IMMP2L: variants seen among roughly 807,000 people sequenced by gnomAD.
IMMP2L encodes the protein inner mitochondrial membrane peptidase subunit 2.
In IMMP2L, 18 loss-of-function variants were observed where a neutral mutation model predicts 19.3. That is an observed-to-expected ratio of 0.93 (90% CI 0.64 to 1.38). The LOEUF (loss-of-function observed/expected upper bound fraction) is 1.38, where lower values mean the gene tolerates loss of function less well. Among genes scored for constraint, IMMP2L ranks in the 40% most tolerant of loss-of-function variants. The pLI, the probability that IMMP2L is intolerant of heterozygous loss-of-function variation, is 0.00. For synonymous variants in IMMP2L, 76 were observed against 73.0 expected, an observed-to-expected ratio of 1.04 and a Z score of -0.21; for missense variants, 233 against 218.2, an observed-to-expected ratio of 1.07 and a Z score of -0.43.
At chr7:110,827,797 T>C (rs949881612) in intron 5 of IMMP2L, among the ~76,000 whole-genome samples, 3 of 152,114 alleles carry the variant, frequency 2.0e-5, no homozygotes, top group Admixed American at 6.6e-5. Context: ...CCATGTAAGT[T>C]TCCAGTACTT....
intron 5 of IMMP2L, among the ~76,000 whole-genome samples, chr7:110,854,218 A>G: frequency 6.6e-6 from 1 of 151,932 alleles, no homozygotes; most frequent in East Asian, 1.9e-4. Flanking sequence ...TCCACTTAAC[A>G]TATTTATATT....
chr7:111,532,342 G>T (rs1478566258), intron 1 of IMMP2L, among the ~76,000 whole-genome samples: 1 of 152,038 alleles, frequency 6.6e-6, no homozygotes, highest in African/African-American at 2.4e-5. Flanking sequence ...TGGTACAAGG[G>T]TCTTATTAGG....
chr7:110,852,594 G>A (rs1806350542), intron 5 of IMMP2L, among the ~76,000 whole-genome samples: 1 of 152,062 alleles, frequency 6.6e-6, no homozygotes, highest in Admixed American at 6.6e-5. Flanking sequence ...CAAATCTGGG[G>A]AGGAGGACAG....
At chr7:111,126,379 CT>C (rs972111551) in intron 3 of IMMP2L, among the ~76,000 whole-genome samples, 1 of 152,084 alleles carries the variant, frequency 6.6e-6, no homozygotes, top group Non-Finnish European at 1.5e-5. Context: ...TCTGAAATTT[CT>C]TTTATTTAGC....
intron 3 of IMMP2L, among the ~76,000 whole-genome samples, chr7:111,233,235 T>C (rs1185270213): frequency 6.6e-6 from 1 of 152,126 alleles, no homozygotes; most frequent in Non-Finnish European, 1.5e-5. Context: ...AAATACAATC[T>C]CTAAAATAAT....
At chr7:110,669,490 G>A (rs1343906296) in intron 5 of IMMP2L, among the ~76,000 whole-genome samples, 5 of 152,240 alleles carry the variant, frequency 3.3e-5, no homozygotes, top group Admixed American at 6.5e-5. Context: ...AATAATGCTC[G>A]ACCAAAGATC....
At chr7:110,731,890 T>C (rs1796297122) in intron 5 of IMMP2L, among the ~76,000 whole-genome samples, 1 of 152,178 alleles carries the variant, frequency 6.6e-6, no homozygotes, top group South Asian at 2.1e-4. Context: ...AACTAGGTGC[T>C]GAACAAAAAA....
chr7:111,371,471 G>A (rs1830258797), intron 3 of IMMP2L, among the ~76,000 whole-genome samples: 1 of 151,992 alleles, frequency 6.6e-6, no homozygotes, highest in Non-Finnish European at 1.5e-5. Context: ...GGATAATGGG[G>A]TCACAAGATT....
At chr7:111,514,409 A>G (rs1318353320) in intron 2 of IMMP2L, among the ~76,000 whole-genome samples, 1 of 152,014 alleles carries the variant, frequency 6.6e-6, no homozygotes, top group Non-Finnish European at 1.5e-5. Context: ...TAGGAGATAT[A>G]CCTAATGTAA....
At chr7:111,067,770 A>C (rs1388564185) in intron 3 of IMMP2L, among the ~76,000 whole-genome samples, 1 of 152,216 alleles carries the variant, frequency 6.6e-6, no homozygotes, top group Non-Finnish European at 1.5e-5. Context: ...ATTCAAACCC[A>C]AGTTTGTCTA....
At chr7:110,830,696 G>T (rs1156727361) in intron 5 of IMMP2L, among the ~76,000 whole-genome samples, 1 of 152,084 alleles carries the variant, frequency 6.6e-6, no homozygotes, top group Non-Finnish European at 1.5e-5. Context: ...AGACCAAATT[G>T]TCCCTACTGT....
intron 5 of IMMP2L, among the ~76,000 whole-genome samples, chr7:110,764,216 C>T (rs534252934): frequency 6.6e-6 from 1 of 152,226 alleles, no homozygotes; most frequent in Admixed American, 6.5e-5. Context: ...CACCTACTGA[C>T]AATGCCAACT....
At chr7:111,206,452 T>C (rs1172748478) in intron 3 of IMMP2L, among the ~76,000 whole-genome samples, 4 of 152,194 alleles carry the variant, frequency 2.6e-5, no homozygotes, top group African/African-American at 4.8e-5. Flanking sequence ...ATATGCATTT[T>C]GGTGTATAGC....
intron 3 of IMMP2L, among the ~76,000 whole-genome samples, chr7:111,030,248 T>G (rs986405367): frequency 6.6e-6 from 1 of 152,054 alleles, no homozygotes; most frequent in Admixed American, 6.6e-5. Context: ...CTTCCTACAC[T>G]TCCTCCATCA....
At chr7:111,433,745 A>G (rs1836866092) in intron 3 of IMMP2L, among the ~76,000 whole-genome samples, 1 of 151,784 alleles carries the variant, frequency 6.6e-6, no homozygotes, top group Non-Finnish European at 1.5e-5. Flanking sequence ...ACAAAACCAT[A>G]TCATCTCTTT....
At chr7:111,306,712 T>C (rs974287822) in intron 3 of IMMP2L, among the ~76,000 whole-genome samples, 25 of 151,234 alleles carry the variant, frequency 1.7e-4, no homozygotes, top group African/African-American at 6.1e-4. Flanking sequence ...ATGAGATCTC[T>C]TGATAAAGTA....
chr7:111,495,791 T>C (rs1010179937), intron 2 of IMMP2L, among the ~76,000 whole-genome samples: 2 of 152,174 alleles, frequency 1.3e-5, no homozygotes, highest in African/African-American at 4.8e-5. Flanking sequence ...CTCCAAGATA[T>C]AAAGAAAGCC....
intron 5 of IMMP2L, among the ~76,000 whole-genome samples, chr7:110,741,991 T>C (rs1044537992): frequency 5.3e-5 from 8 of 152,274 alleles, no homozygotes; most frequent in Non-Finnish European, 7.4e-5. Context: ...CCCTAGTCTA[T>C]TGAGGGAAAG....
intron 3 of IMMP2L, among the ~76,000 whole-genome samples, chr7:111,301,391 C>T (rs1252581158): frequency 6.7e-6 from 1 of 149,694 alleles, no homozygotes; most frequent in Non-Finnish European, 1.5e-5. Context: ...ATATGGTTTG[C>T]AAATATTTTC....
Sources: allele counts gnomAD v4.1 joint callset (sites outside exome capture counted in the v4.1 genomes callset), GRCh38; gene constraint gnomAD v4.1.1; transcripts MANE v1.5; gene names NCBI Gene and HGNC (gene_info 2026-07-23, HGNC 2026-07-21).